GRAMD1B: variants seen among roughly 807,000 people sequenced by gnomAD.
The protein encoded by GRAMD1B is GRAM domain containing 1B.
GRAMD1B carries 37 observed loss-of-function variants against 99.7 expected under a neutral mutation model. The observed-to-expected ratio is 0.37, with a 90% CI of 0.29 to 0.49. The LOEUF is 0.49. GRAMD1B is among the 20% of genes least tolerant of loss of function. The pLI, the probability that GRAMD1B is intolerant of heterozygous loss-of-function variation, is 0.98. For missense variants in GRAMD1B, 888 were observed against 1,009.2 expected, an observed-to-expected ratio of 0.88 and a Z score of 1.63; for synonymous variants, 427 against 387.6, an observed-to-expected ratio of 1.10 and a Z score of -1.19.
chr11:123,526,565 C>T (rs1270574825), intron 2 of GRAMD1B, among the ~76,000 whole-genome samples: 2 of 152,184 alleles, frequency 1.3e-5, no homozygotes, highest in African/African-American at 4.8e-5. Context: ...TGTACTCTTC[C>T]TTAGCCCTGA....
At chr11:123,389,109 G>A (rs1419297930) in intron 1 of GRAMD1B, among the ~76,000 whole-genome samples, 1 of 152,118 alleles carries the variant, frequency 6.6e-6, no homozygotes, top group African/African-American at 2.4e-5. Context: ...TCCCGACCGG[G>A]CACGGTGGCT....
chr11:123,606,235 A>T (rs976766416), intron 10 of GRAMD1B, among the ~76,000 whole-genome samples: 5 of 152,374 alleles, frequency 3.3e-5, no homozygotes, highest in South Asian at 4.1e-4. Flanking sequence ...AATGAGTTTT[A>T]AAAAATGCTT....
intron 1 of GRAMD1B, among the ~76,000 whole-genome samples, chr11:123,445,392 AAAGG>A (rs1215907600): frequency 6.6e-6 from 1 of 152,210 alleles, no homozygotes; most frequent in Non-Finnish European, 1.5e-5. Flanking sequence ...TGGCAACCGT[AAAGG>A]TCATTCTGTA....
chr11:123,568,033 T>C (rs1209832965), intron 2 of GRAMD1B, among the ~76,000 whole-genome samples: 6 of 152,234 alleles, frequency 3.9e-5, no homozygotes, highest in Admixed American at 3.9e-4. Flanking sequence ...TTTCTAGGTA[T>C]TAAATTAGTC....
chr11:123,424,892 T>C (rs1016372813), intron 1 of GRAMD1B, among the ~76,000 whole-genome samples: 4 of 152,210 alleles, frequency 2.6e-5, no homozygotes, highest in Non-Finnish European at 5.9e-5. Flanking sequence ...CTTTACACAG[T>C]GTTCTAGCGT....
intron 1 of GRAMD1B, among the ~76,000 whole-genome samples, chr11:123,447,758 G>A (rs1324954082): frequency 6.6e-6 from 1 of 152,198 alleles, no homozygotes; most frequent in African/African-American, 2.4e-5. Flanking sequence ...AAAGACATTT[G>A]TGCCTATCTA....
intron 1 of GRAMD1B, among the ~76,000 whole-genome samples, chr11:123,414,096 A>G (rs911791876): frequency 9.2e-5 from 14 of 151,558 alleles, no homozygotes; most frequent in African/African-American, 3.4e-4. Flanking sequence ...CCAGGCTGCA[A>G]TGAAGTGGCA....
At position 123,596,024 on chromosome 11, in the gene GRAMD1B, C is replaced by G; in HGVS notation, c.956C>G (p.Thr319Ser). Residue 319 changes from threonine to serine, a missense_variant, in exon 7 of 20, where the codon ACT (threonine) becomes AGT (serine). Transcript: ENST00000635736. ...RLIPNAIQVCTDSEKHFFTSF... is the reference protein window; with the variant it reads ...RLIPNAIQVCSDSEKHFFTSF... ...ATTCCCAATGCCATCCAAGTTTGCA[C>G]TGATTCAGAAAAGGTAAGTGGAGTC... 2 of 1,595,908 alleles carry G rather than the reference C, an allele frequency of 1.3e-6. No individual in the cohort carries two copies. Among genetic ancestry groups the G allele is most frequent in the African/African-American group, 2.7e-5 (2 of 74,774 alleles).
At chr11:123,553,695 C>G (rs865970100) in intron 2 of GRAMD1B, among the ~76,000 whole-genome samples, 4 of 152,150 alleles carry the variant, frequency 2.6e-5, no homozygotes, top group African/African-American at 9.7e-5. Context: ...CTGAACCAGC[C>G]TCCGTGGATT....
intron 2 of GRAMD1B, among the ~76,000 whole-genome samples, chr11:123,575,274 C>A (rs1948594359): frequency 6.6e-6 from 1 of 152,056 alleles, no homozygotes; most frequent in East Asian, 1.9e-4. Context: ...ATTCCAGGGT[C>A]TGGAATTTGT....
chr11:123,400,056 T>C (rs142901138), intron 1 of GRAMD1B, among the ~76,000 whole-genome samples: 466 of 152,322 alleles, frequency 3.1e-3, no homozygotes, highest in Admixed American at 6.0e-3. Context: ...TTGGGTTATT[T>C]GGTGTTTTGC....
chr11:123,433,527 A>T (rs889213233), intron 1 of GRAMD1B, among the ~76,000 whole-genome samples: 12 of 152,194 alleles, frequency 7.9e-5, no homozygotes, highest in Non-Finnish European at 1.6e-4. Flanking sequence ...GTGCAATGGC[A>T]TGGCCTGTAT....
At chr11:123,487,271 A>C (rs1937929339) in intron 2 of GRAMD1B, among the ~76,000 whole-genome samples, 1 of 151,082 alleles carries the variant, frequency 6.6e-6, no homozygotes, top group Non-Finnish European at 1.5e-5. Flanking sequence ...GGGTGAGGGC[A>C]GGGGTGGGAG....
intron 1 of GRAMD1B, among the ~76,000 whole-genome samples, chr11:123,361,058 C>T (rs1321110075): frequency 1.3e-5 from 2 of 152,034 alleles, no homozygotes; most frequent in African/African-American, 4.8e-5. Context: ...CCTTGTGATC[C>T]ACCCACCTCA....
At position 123,500,559 on chromosome 11, in the gene GRAMD1B, G is replaced by A. The variant is rs1939748443; in HGVS notation, c.452+19666G>A. Among the ~76,000 whole-genome samples the A allele has an allele frequency of 7.2e-5, 11 of 152,294 alleles. No individual in the cohort carries two copies. In the South Asian group the frequency reaches 2.3e-3, roughly 32 times the overall value. On this transcript the variant is annotated intron_variant, in intron 2 of 19. Transcript: ENST00000635736. ...AGGAAGCTTTCACCAGTCTACAAAT[G>A]TGACCAGTAAATCCAAGAAAATGCA...
chr11:123,410,265 C>A (rs997057020), intron 1 of GRAMD1B, among the ~76,000 whole-genome samples: 1 of 151,204 alleles, frequency 6.6e-6, no homozygotes, highest in Non-Finnish European at 1.5e-5. Flanking sequence ...AACAAAAAAA[C>A]CAGATGCCAA....
intron 1 of GRAMD1B, among the ~76,000 whole-genome samples, chr11:123,467,625 G>T (rs2134601629): frequency 6.6e-6 from 1 of 152,146 alleles, no homozygotes; most frequent in South Asian, 2.1e-4. Context: ...TATGGGGAAG[G>T]TCCACATATG....
chr11:123,585,592 T>C (rs1345689651), intron 4 of GRAMD1B, among the ~76,000 whole-genome samples: 2 of 152,116 alleles, frequency 1.3e-5, no homozygotes, highest in Non-Finnish European at 2.9e-5. Context: ...AGCCACCCCC[T>C]TACCTTCTAG....
chr11:123,621,658 G>C (rs568481991), intron 19 of GRAMD1B, among the ~76,000 whole-genome samples: 2 of 152,192 alleles, frequency 1.3e-5, no homozygotes, highest in African/African-American at 2.4e-5. Context: ...ATTCCTGGGC[G>C]GGGAGAACAA....
Sources: allele counts gnomAD v4.1 joint callset (sites outside exome capture counted in the v4.1 genomes callset), GRCh38; gene constraint gnomAD v4.1.1; transcripts MANE v1.5; gene names NCBI Gene and HGNC (gene_info 2026-07-23, HGNC 2026-07-21).